The following EREG variants were observed in gnomAD, a reference collection of about 807,000 sequenced individuals.
The protein encoded by EREG is proepiregulin.
Under a neutral mutation model 22.4 loss-of-function variants are expected in EREG, and 23 were observed. The ratio of observed to expected loss-of-function variants is 1.03; its 90% CI spans 0.74 to 1.46. EREG has a LOEUF of 1.46. Among genes scored for constraint, EREG ranks in the 40% most tolerant of loss-of-function variants. The probability of loss-of-function intolerance (pLI) is 0.00; values close to 1 mark genes in which losing one functional copy is unlikely to be tolerated. For missense variants in EREG, 226 were observed against 205.9 expected, an observed-to-expected ratio of 1.10 and a Z score of -0.60; for synonymous variants, 100 against 75.4, an observed-to-expected ratio of 1.33 and a Z score of -1.69.
At position 74,381,020 on chromosome 4, in the gene EREG, CAG is replaced by C. The variant is rs1159337196; in HGVS notation, c.163_164del (p.Glu55ArgfsTer14). The C allele has an allele frequency of 1.2e-6, 2 of 1,612,892 alleles. No homozygotes were observed. The highest frequency in any genetic ancestry group is 1.7e-5 in the Admixed American group (1 of 59,806). On this transcript the variant is annotated frameshift_variant, in exon 3 of 5. Transcript: ENST00000244869. LOFTEE classifies it high-confidence loss of function. ...CTTTCCACTTCTTTTACAGTTCAGA[CAG>C]AAGACAATCCACGTGTGGCTCAAGT...
chr4:74,372,197 C>A (rs1267107171), intron 1 of EREG, among the ~76,000 whole-genome samples: 1 of 152,184 alleles, frequency 6.6e-6, no homozygotes, highest in East Asian at 1.9e-4. Flanking sequence ...AATGTCAACT[C>A]AAACTATATT....
intron 1 of EREG, among the ~76,000 whole-genome samples, chr4:74,376,685 G>T (rs1306891473): frequency 6.6e-6 from 1 of 152,166 alleles, no homozygotes; most frequent in East Asian, 1.9e-4. Context: ...AGCATGGAGT[G>T]GGGAGGGGAT....
intron 1 of EREG, among the ~76,000 whole-genome samples, chr4:74,370,323 G>A (rs1752268857): frequency 6.6e-6 from 1 of 151,990 alleles, no homozygotes; most frequent in East Asian, 1.9e-4. Flanking sequence ...ATTGTGATAG[G>A]CTTATATTAA....
intron 1 of EREG, among the ~76,000 whole-genome samples, chr4:74,377,150 C>G (rs1752395247): frequency 6.8e-6 from 1 of 146,472 alleles, no homozygotes; most frequent in Non-Finnish European, 1.5e-5. Context: ...GCTGTGACAG[C>G]CATTTCAGAA....
At chr4:74,366,384 A>G (rs906387184) in intron 1 of EREG, among the ~76,000 whole-genome samples, 1 of 152,150 alleles carries the variant, frequency 6.6e-6, no homozygotes, top group African/African-American at 2.4e-5. Context: ...ACCTTATCTC[A>G]GGGGTTGAGA....
intron 2 of EREG, 54 bp from the exon 3 acceptor site, chr4:74,380,960 G>C (rs999701385): frequency 5.1e-5 from 81 of 1,575,492 alleles, no homozygotes; most frequent in Non-Finnish European, 6.8e-5. Flanking sequence ...GAAAGAGTGA[G>C]AAATTCTTCC....
chr4:74,387,820 A>T lies in EREG; in HGVS notation c.*3012A>T, dbSNP rs945278721. On this transcript the variant is annotated 3_prime_UTR_variant, in exon 5 of 5. Coordinates refer to ENST00000244869, the MANE Select transcript of EREG (RefSeq NM_001432.3). ...ATTTATGGTCTTCAACCAAGGCCAC[A>T]TAATAACCCAGTTAACTTACTCTTT... 2 of 152,250 alleles carry T rather than the reference A, an allele frequency of 1.3e-5. No individual in the cohort carries two copies. Among genetic ancestry groups the T allele is most frequent in the Non-Finnish European group, 2.9e-5 (2 of 68,028 alleles). 9.4% of individuals were successfully genotyped at this position (152,250 alleles called of 1,614,324 possible).
At chr4:74,369,277 G>GT (rs945829553) in intron 1 of EREG, among the ~76,000 whole-genome samples, 1 of 151,632 alleles carries the variant, frequency 6.6e-6, no homozygotes, top group Non-Finnish European at 1.5e-5. Context: ...CTAATGTGTA[G>GT]TTTTTTTTCA....
intron 4 of EREG, 152 bp downstream of exon 4, chr4:74,382,946 T>A (rs1414336306): frequency 1.2e-5 from 7 of 583,128 alleles, no homozygotes; most frequent in Non-Finnish European, 2.1e-5. Context: ...TATTAAGTAT[T>A]ATGCCCAACA....
chr4:74,379,599 AAAGACTAT>A (rs1187203143), intron 2 of EREG, 65 bp downstream of exon 2: 1 of 953,980 alleles, frequency 1.0e-6, no homozygotes, highest in Non-Finnish European at 1.7e-6. Flanking sequence ...ATATAAACTC[AAAGACTAT>A]AAGTATGTGA....
Position 74,365,259 on chromosome 4 carries a change from A to T in EREG, c.-50A>T, listed in dbSNP as rs764508754. On this transcript the variant is annotated 5_prime_UTR_variant, in exon 1 of 5. Transcript: ENST00000244869. ...CCGTCTGCTCCCGCCCTGCCCGTGC[A>T]CTCTCCGCAGCCGCCCTCCGCCAAG... The T allele has an allele frequency of 1.5e-5, 22 of 1,489,288 alleles. No homozygotes were observed. The highest frequency in any genetic ancestry group is 2.8e-6 in the Non-Finnish European group (3 of 1,083,672). The allele number at this position is 1,489,288 out of a possible 1,614,324, so 92.3% of individuals were successfully genotyped here.
In EREG at chr4:74,386,153, C is replaced by G. The variant is rs141418466; in HGVS notation, c.*1345C>G. The G allele has an allele frequency of 2.0e-3, 470 of 238,330 alleles. No homozygotes were observed. Among genetic ancestry groups the G allele is most frequent in the Non-Finnish European group, 2.9e-3 (363 of 124,892 alleles). 14.8% of individuals were successfully genotyped at this position (238,330 alleles called of 1,614,324 possible). ...GCTATTGCATAAGGAGCCACTGCTG[C>G]CACCACTTTTGGATTTTATGGGAGG... On this transcript the variant is annotated 3_prime_UTR_variant, in exon 5 of 5. Coordinates refer to ENST00000244869, the MANE Select transcript of EREG (RefSeq NM_001432.3).
At chr4:74,379,420 T>C in intron 1 of EREG, 28 bp from the exon 2 acceptor site, 1 of 1,324,520 alleles carries the variant, frequency 7.5e-7, no homozygotes, top group Non-Finnish European at 1.1e-6. Flanking sequence ...ACACATTAGT[T>C]ATATATTCGA....
Position 74,384,717 on chromosome 4 carries a change from A to G in EREG, c.429-10A>G, listed in dbSNP as rs763804198. 7 of 1,572,470 alleles carry G rather than the reference A, an allele frequency of 4.5e-6. No homozygotes were observed. In the Admixed American group the frequency reaches 1.0e-4, roughly 23 times the overall value. Reference sequence around the variant, plus strand: ...GCAGTGCTAACAGTTTCGTTTGTGAATATTTCCAGGTACAGAAATCGAAAA... The same window carrying G: ...GCAGTGCTAACAGTTTCGTTTGTGAGTATTTCCAGGTACAGAAATCGAAAA... On this transcript the variant is annotated splice_polypyrimidine_tract_variant and intron_variant, in intron 4 of 4. Coordinates refer to ENST00000244869, the MANE Select transcript of EREG (RefSeq NM_001432.3).
At chr4:74,382,838 T>C in intron 4 of EREG, 44 bp downstream of exon 4, 1 of 1,463,170 alleles carries the variant, frequency 6.8e-7, no homozygotes, top group East Asian at 2.3e-5. Flanking sequence ...AAATTACTTT[T>C]ACATAATGCA....
rs552188584 is a variant in EREG at position 74,368,809 on chromosome 4, ATCGG to A, written c.67+3435_67+3438del. 1.8e-3 allele frequency among the ~76,000 whole-genome samples: 269 copies of A among 152,306 alleles called. 1 individual carries two copies. The highest frequency in any genetic ancestry group is 6.3e-3 in the African/African-American group (261 of 41,566). On this transcript the variant is annotated intron_variant, in intron 1 of 4. Coordinates refer to ENST00000244869, the MANE Select transcript of EREG (RefSeq NM_001432.3). ...CTGTAACTGCTGCTGGGAACATTCC[ATCGG>A]GAGACAATGAGAACACTTCCCAGTG... is the stretch of plus-strand genomic sequence containing the variant.
At position 74,365,173 on chromosome 4, in the gene EREG, G is replaced by A; in HGVS notation, c.-136G>A. The A allele has an allele frequency of 1.5e-6, 1 of 672,742 alleles. No individual in the cohort carries two copies. Among genetic ancestry groups the A allele is most frequent in the South Asian group, 1.7e-5 (1 of 58,866 alleles). 41.7% of individuals were successfully genotyped at this position (672,742 alleles called of 1,614,324 possible). A position where few individuals can be genotyped will look rare whatever the true frequency, so the allele number is the denominator to read the frequency against. On this transcript the variant is annotated 5_prime_UTR_variant, in exon 1 of 5. Coordinates refer to ENST00000244869, the MANE Select transcript of EREG (RefSeq NM_001432.3). ...TGCCTGATATTTCCAGTGTCAGAGG[G>A]ACACAGCCAACGTGGGGTCCCTTCT...
Position 74,388,491 on chromosome 4 carries a change from G to A in EREG, c.*3683G>A, listed in dbSNP as rs1050745835. 9 of 152,326 alleles carry A rather than the reference G, an allele frequency of 5.9e-5. No individual in the cohort carries two copies. Among genetic ancestry groups the A allele is most frequent in the African/African-American group, 1.2e-4 (5 of 41,328 alleles). The allele number at this position is 152,326 out of a possible 1,614,324, so 9.4% of individuals were successfully genotyped here. On this transcript the variant is annotated 3_prime_UTR_variant, in exon 5 of 5. Coordinates refer to ENST00000244869, the MANE Select transcript of EREG (RefSeq NM_001432.3). ...AGTTTGAAGAGCCATTTTGGTAAAC[G>A]GTTTTTATTAAAGATGCTATGGAAC... is the stretch of plus-strand genomic sequence containing the variant.
chr4:74,372,303 C>T lies in EREG; in HGVS notation c.67+6928C>T, dbSNP rs1156966312. ...TCTCTGAATAAAAAGTAATTAATTT[C>T]GAGTCTTTTGAAATCATCTTTAATG... is the stretch of plus-strand genomic sequence containing the variant. On this transcript the variant is annotated intron_variant, in intron 1 of 4. Coordinates refer to ENST00000244869, the MANE Select transcript of EREG (RefSeq NM_001432.3). Among the ~76,000 whole-genome samples the T allele has an allele frequency of 2.6e-5, 4 of 152,176 alleles. No individual in the cohort carries two copies. In the South Asian group the frequency reaches 6.2e-4, roughly 24 times the overall value.
Sources: allele counts gnomAD v4.1 joint callset (sites outside exome capture counted in the v4.1 genomes callset), GRCh38; gene constraint gnomAD v4.1.1; transcripts MANE v1.5; gene names NCBI Gene and HGNC (gene_info 2026-07-23, HGNC 2026-07-21).